LINGO2: variants seen among roughly 807,000 people sequenced by gnomAD.
LINGO2 encodes the protein leucine-rich repeat and immunoglobulin-like domain-containing nogo receptor-interacting protein 2.
LINGO2 carries 14 observed loss-of-function variants against 30.6 expected under a neutral mutation model. The observed-to-expected ratio is 0.46, with a 90% CI of 0.30 to 0.72. The LOEUF (loss-of-function observed/expected upper bound fraction) is 0.72, where lower values mean the gene tolerates loss of function less well. Among genes scored for constraint, LINGO2 ranks in the 30% least tolerant of loss-of-function variants. LINGO2 has a pLI of 0.07. For synonymous variants in LINGO2, 317 were observed against 288.5 expected, an observed-to-expected ratio of 1.10 and a Z score of -1.00; for missense variants, 729 against 751.7, an observed-to-expected ratio of 0.97 and a Z score of 0.35.
At chr9:28,738,006 A>G in the LINGO2 span, among the ~76,000 whole-genome samples, 1 of 152,152 alleles carries the variant, frequency 6.6e-6, no homozygotes, top group South Asian at 2.1e-4. Context: ...CCTCTCAGCA[A>G]CTAAAAAATG....
chr9:29,123,176 CA>C, the LINGO2 span, among the ~76,000 whole-genome samples: 1 of 152,050 alleles, frequency 6.6e-6, no homozygotes, highest in Non-Finnish European at 1.5e-5. Flanking sequence ...CATAATTTCT[CA>C]CTAGACTACA....
Position 28,292,023 on chromosome 9 carries a change from A to AG in LINGO2, c.-87+3184_-87+3185insC, listed in dbSNP as rs1227741665. ...ATGGAAAACCATCTTTAAAGTGCTT[A>AG]TGGGGGAAGAAAGACCTGTCAATCT... On this transcript the variant is annotated intron_variant, in intron 4 of 5. Transcript: ENST00000379992. Among the ~76,000 whole-genome samples the AG allele has an allele frequency of 1.2e-4, 18 of 150,188 alleles. No homozygotes were observed. In the East Asian group the frequency reaches 3.7e-3, roughly 31 times the overall value.
chr9:28,887,045 A>G, the LINGO2 span, among the ~76,000 whole-genome samples: 1 of 152,180 alleles, frequency 6.6e-6, no homozygotes, highest in African/African-American at 2.4e-5. Flanking sequence ...GGTATGAACA[A>G]GAAAGCCTAA....
the LINGO2 span, among the ~76,000 whole-genome samples, chr9:29,123,040 T>C: frequency 3.9e-5 from 6 of 152,106 alleles, no homozygotes; most frequent in Middle Eastern, 3.2e-3. Flanking sequence ...GTGAAACTCA[T>C]GCTGCTTCTC....
At chr9:28,970,317 G>A in the LINGO2 span, among the ~76,000 whole-genome samples, 1 of 152,160 alleles carries the variant, frequency 6.6e-6, no homozygotes, top group African/African-American at 2.4e-5. Context: ...CCTCACCTTG[G>A]AGTAGGGAGC....
intron 2 of LINGO2, among the ~76,000 whole-genome samples, chr9:28,426,881 A>C (rs1366557483): frequency 6.6e-6 from 1 of 152,088 alleles, no homozygotes; most frequent in Non-Finnish European, 1.5e-5. Context: ...TTCAGATGTT[A>C]CTTCTTTCTG....
the LINGO2 span, among the ~76,000 whole-genome samples, chr9:28,800,304 CT>C: frequency 1.3e-5 from 2 of 152,026 alleles, no homozygotes; most frequent in Non-Finnish European, 2.9e-5. Flanking sequence ...AGAAATGTTT[CT>C]ATTTTTTGGT....
chr9:29,208,958 T>C, the LINGO2 span, among the ~76,000 whole-genome samples: 6 of 152,178 alleles, frequency 3.9e-5, no homozygotes, highest in Non-Finnish European at 2.9e-5. Flanking sequence ...ACAGCAACTG[T>C]ATCTGTTGAG....
the LINGO2 span, among the ~76,000 whole-genome samples, chr9:29,148,965 T>A: frequency 1.3e-5 from 2 of 152,212 alleles, no homozygotes; most frequent in African/African-American, 2.4e-5. Context: ...TGCATAAAAT[T>A]ATTCATACGC....
intron 1 of LINGO2, among the ~76,000 whole-genome samples, chr9:28,580,588 G>A (rs1824212182): frequency 6.6e-6 from 1 of 151,944 alleles, no homozygotes; most frequent in East Asian, 1.9e-4. Flanking sequence ...GGGGAAAAAA[G>A]TGACACATTA....
At chr9:28,437,599 A>C (rs1381727885) in intron 2 of LINGO2, among the ~76,000 whole-genome samples, 1 of 151,222 alleles carries the variant, frequency 6.6e-6, no homozygotes, top group South Asian at 2.1e-4. Flanking sequence ...ACACCCACAC[A>C]CACACATACA....
At chr9:28,431,520 A>T (rs1008654350) in intron 2 of LINGO2, among the ~76,000 whole-genome samples, 2 of 152,208 alleles carry the variant, frequency 1.3e-5, no homozygotes, top group African/African-American at 4.8e-5. Flanking sequence ...TTTAGTCAAG[A>T]TTGAAATTAT....
the LINGO2 span, among the ~76,000 whole-genome samples, chr9:29,108,572 G>C: frequency 7.6e-3 from 1,162 of 152,276 alleles, 9 homozygotes; most frequent in Non-Finnish European, 9.0e-3. Flanking sequence ...TTGCATTATA[G>C]ATTAGTAGCT....
At chr9:29,158,794 G>A in the LINGO2 span, among the ~76,000 whole-genome samples, 5 of 152,086 alleles carry the variant, frequency 3.3e-5, no homozygotes, top group Non-Finnish European at 4.4e-5. Context: ...GAGAGAAAGA[G>A]AGAGCAAGAG....
intron 1 of LINGO2, among the ~76,000 whole-genome samples, chr9:28,551,311 T>C (rs1822266387): frequency 6.6e-6 from 1 of 151,816 alleles, no homozygotes; most frequent in Non-Finnish European, 1.5e-5. Flanking sequence ...ATAAATGGCC[T>C]TGTATCCATC....
At position 28,148,721 on chromosome 9, in the gene LINGO2, G is replaced by T; in HGVS notation, c.-86-136316C>A. On this transcript the variant is annotated intron_variant, in intron 4 of 5. Coordinates refer to ENST00000379992, the Ensembl canonical transcript of LINGO2. This position sits in a 1 kb window ranked among gnomAD's most constrained non-coding sequence, Gnocchi z 5.1. ...TGGAGTCGCCAGTTCACACAGCCCT[G>T]CTGGAGGCATCCTTCCCTTTGGGAA... 1 of 1,533,682 alleles carries T rather than the reference G, an allele frequency of 6.5e-7. No homozygotes were observed. Among genetic ancestry groups the T allele is most frequent in the Non-Finnish European group, 8.7e-7 (1 of 1,146,174 alleles).
the LINGO2 span, among the ~76,000 whole-genome samples, chr9:29,208,811 T>C: frequency 2.0e-5 from 3 of 152,092 alleles, no homozygotes; most frequent in South Asian, 4.1e-4. Context: ...AGAAACACAG[T>C]GGAATTCAAG....
chr9:29,165,940 G>A, the LINGO2 span, among the ~76,000 whole-genome samples: 2 of 151,990 alleles, frequency 1.3e-5, no homozygotes, highest in African/African-American at 4.8e-5. Flanking sequence ...GTCAGTGATA[G>A]GATCCATTTC....
chr9:28,964,175 G>A, the LINGO2 span, among the ~76,000 whole-genome samples: 3 of 151,634 alleles, frequency 2.0e-5, no homozygotes, highest in African/African-American at 7.3e-5. Context: ...TCACAGTCAA[G>A]GACAATTTGT....
Sources: allele counts gnomAD v4.1 joint callset (sites outside exome capture counted in the v4.1 genomes callset), GRCh38; gene constraint gnomAD v4.1.1; non-coding constraint Gnocchi (gnomAD v3.1); transcripts MANE v1.5; gene names NCBI Gene and HGNC (gene_info 2026-07-23, HGNC 2026-07-21).